The following CHD9 variants were observed in gnomAD, a reference collection of about 807,000 sequenced individuals.
The protein encoded by CHD9 is ATP-dependent chromatin remodeler CHD9.
CHD9 carries 77 observed loss-of-function variants against 316.1 expected under a neutral mutation model. The observed-to-expected ratio is 0.24, with a 90% CI of 0.20 to 0.29. CHD9 has a LOEUF of 0.29. CHD9 is among the 10% of genes least tolerant of loss of function. The pLI is 1.00. For synonymous variants in CHD9, 1,129 were observed against 1,158.3 expected (o/e 0.97, Z 0.51); for missense variants, 2,763 against 3,438.1 (o/e 0.80, Z 4.91).
intron 2 of CHD9, among the ~76,000 whole-genome samples, chr16:53,195,410 G>A (rs975123289): frequency 1.3e-5 from 2 of 152,124 alleles, no homozygotes; most frequent in Non-Finnish European, 2.9e-5. Flanking sequence ...GGCTTAAAAT[G>A]GCACTCATTT....
At chr16:53,201,105 T>C (rs2045416750) in intron 2 of CHD9, among the ~76,000 whole-genome samples, 1 of 152,184 alleles carries the variant, frequency 6.6e-6, no homozygotes, top group African/African-American at 2.4e-5. Flanking sequence ...CAAAAACCCA[T>C]GCCCTTAATC....
At chr16:53,144,884 C>T (rs766988890) in intron 1 of CHD9, among the ~76,000 whole-genome samples, 1 of 151,282 alleles carries the variant, frequency 6.6e-6, no homozygotes, top group Admixed American at 6.6e-5. Flanking sequence ...CTCAGCTACT[C>T]AGGAGGCAGA....
At chr16:53,103,603 G>A (rs1290636270) in intron 1 of CHD9, among the ~76,000 whole-genome samples, 3 of 152,166 alleles carry the variant, frequency 2.0e-5, no homozygotes, top group African/African-American at 4.8e-5. Flanking sequence ...GTTCTGAATG[G>A]CTAGAAGAAT....
chr16:53,293,998 T>G (rs2054576272), intron 29 of CHD9, among the ~76,000 whole-genome samples: 1 of 152,138 alleles, frequency 6.6e-6, no homozygotes, highest in South Asian at 2.1e-4. Context: ...GTTAATTAAA[T>G]TCCATTCTAT....
chr16:53,291,043 A>T (rs2054290278), intron 27 of CHD9, among the ~76,000 whole-genome samples: 1 of 152,172 alleles, frequency 6.6e-6, no homozygotes, highest in African/African-American at 2.4e-5. Context: ...TCTTGGCAGG[A>T]TAAATAAAAC....
intron 36 of CHD9, among the ~76,000 whole-genome samples, chr16:53,315,425 ACCACATGCATTACCT>A (rs1268442940): frequency 6.6e-6 from 1 of 152,242 alleles, no homozygotes; most frequent in Non-Finnish European, 1.5e-5. Context: ...ACTTAGGCAC[ACCACATGCATTACCT>A]CATTTAACAC....
intron 19 of CHD9, among the ~76,000 whole-genome samples, chr16:53,261,095 C>CAAAAAAAAAAA (rs753392412): frequency 8.1e-6 from 1 of 123,262 alleles, no homozygotes; most frequent in Non-Finnish European, 1.7e-5. Context: ...TTAGAGAAAG[C>CAAAAAAAAAAA]AAAAAAAAAA....
chr16:53,136,204 TTTGA>T (rs2039698949), intron 1 of CHD9, among the ~76,000 whole-genome samples: 1 of 152,172 alleles, frequency 6.6e-6, no homozygotes, highest in Non-Finnish European at 1.5e-5. Context: ...TTGGTTTTTG[TTTGA>T]TTTTTACTAT....
At chr16:53,064,301 G>T (rs2033277059) in intron 1 of CHD9, among the ~76,000 whole-genome samples, 1 of 152,120 alleles carries the variant, frequency 6.6e-6, no homozygotes, top group African/African-American at 2.4e-5. Context: ...CATGTTCTTG[G>T]CCTCTTCCCC....
rs1038658036 is a variant in CHD9, at chr16:53,134,065, CAG to C, written c.-164-21857_-164-21856del. On this transcript the variant is annotated intron_variant, in intron 1 of 38. Transcript: ENST00000447540. ...AAAAAAAGCTTACCTCCGTAAATAA[CAG>C]AGAAGAAAAATGAAATCCTAGAGAG... Among the ~76,000 whole-genome samples the C allele has an allele frequency of 1.2e-4, 19 of 152,136 alleles. No homozygotes were observed. The East Asian group carries it at 1.5e-3, about 12-fold the overall frequency.
intron 3 of CHD9, among the ~76,000 whole-genome samples, chr16:53,219,798 T>C (rs58474046): frequency 0.31 from 47,768 of 151,980 alleles, 7,662 homozygotes; most frequent in Middle Eastern, 0.39. Context: ...CCTCAATTTC[T>C]TCTTATAAAA....
chr16:53,298,394 T>C (rs2055013710), intron 30 of CHD9: 1 of 152,388 alleles, frequency 6.6e-6, no homozygotes, highest in Non-Finnish European at 1.5e-5. Flanking sequence ...ATGCCTGTAA[T>C]CCCAGCACTT....
At chr16:53,189,271 A>G (rs1397261416) in intron 2 of CHD9, among the ~76,000 whole-genome samples, 1 of 152,108 alleles carries the variant, frequency 6.6e-6, no homozygotes, top group Non-Finnish European at 1.5e-5. Context: ...GTCTTTCACC[A>G]TTAAGTACTG....
chr16:53,089,976 C>A (rs2035797102), intron 1 of CHD9, among the ~76,000 whole-genome samples: 1 of 152,232 alleles, frequency 6.6e-6, no homozygotes, highest in African/African-American at 2.4e-5. Context: ...ACGCTGGTTG[C>A]AGGGCTGGTT....
rs150308553 is a variant in CHD9, at chr16:53,105,910, C to T, written c.-164-50016C>T. On this transcript the variant is annotated intron_variant, in intron 1 of 38. Transcript: ENST00000447540. ...GCGGTCTTGGTCACTACAGCCTCCG[C>T]GTCCTGGGTTCAAGCAATTCTCCTG... Among the ~76,000 whole-genome samples the T allele has an allele frequency of 1.3e-3, 192 of 151,694 alleles. 3 individuals are homozygous for T. Among genetic ancestry groups the T allele is most frequent in the African/African-American group, 4.3e-3 (178 of 41,336 alleles).
At chr16:53,121,569 T>A in intron 1 of CHD9, 1 of 363,742 alleles carries the variant, frequency 2.7e-6, no homozygotes, top group Non-Finnish European at 5.4e-6. Flanking sequence ...TGACCCTGAT[T>A]AAGTGGGCCT....
rs569039684 is a variant in CHD9, at chr16:53,210,370, T to A, written c.1784+557T>A. On this transcript the variant is annotated intron_variant, in intron 3 of 38. Coordinates refer to ENST00000447540, the MANE Select transcript of CHD9 (RefSeq NM_001308319.2). ...TTCTTACTGATTTACTTCCATATAG[T>A]CTGATTTACTTTACGTAATAAAGAG... Among the ~76,000 whole-genome samples the A allele has an allele frequency of 1.6e-4, 25 of 151,686 alleles. No homozygotes were observed. In the East Asian group the frequency reaches 4.8e-3, roughly 29 times the overall value.
chr16:53,297,281 A>G, intron 30 of CHD9, 123 bp downstream of exon 30: 1 of 676,464 alleles, frequency 1.5e-6, no homozygotes, highest in South Asian at 1.9e-5. Context: ...CTTGTCAGTA[A>G]TTTTTTAGAA....
chr16:53,274,863 A>G (rs1038129126), intron 24 of CHD9, among the ~76,000 whole-genome samples: 1 of 152,168 alleles, frequency 6.6e-6, no homozygotes. Context: ...TAGAAAATCC[A>G]TGAAACTTAA....
Sources: allele counts gnomAD v4.1 joint callset (sites outside exome capture counted in the v4.1 genomes callset), GRCh38; gene constraint gnomAD v4.1.1; transcripts MANE v1.5; gene names NCBI Gene and HGNC (gene_info 2026-07-23, HGNC 2026-07-21).